The following MPDZ variants were observed in gnomAD, a reference collection of about 807,000 sequenced individuals.
The protein encoded by MPDZ is multiple PDZ domain protein.
Under a neutral mutation model 239.1 loss-of-function variants are expected in MPDZ, and 234 were observed. That is an observed-to-expected ratio of 0.98 (90% confidence interval 0.88 to 1.09). The LOEUF is 1.09. Ranked by LOEUF, MPDZ falls within the 50% of genes least tolerant of loss-of-function variation. The pLI is 0.00. For synonymous variants in MPDZ, 1,048 were observed against 881.3 expected, an observed-to-expected ratio of 1.19 and a Z score of -3.35; for missense variants, 3,175 against 2,510.0, an observed-to-expected ratio of 1.26 and a Z score of -5.66.
At chr9:13,171,849 G>T (rs892998414) in intron 21 of MPDZ, among the ~76,000 whole-genome samples, 3 of 152,016 alleles carry the variant, frequency 2.0e-5, no homozygotes, top group African/African-American at 7.2e-5. Context: ...GCAAACAACT[G>T]CATATAGCTG....
At chr9:13,212,692 G>A (rs1343888959) in intron 10 of MPDZ, among the ~76,000 whole-genome samples, 1 of 150,888 alleles carries the variant, frequency 6.6e-6, no homozygotes, top group African/African-American at 2.4e-5. Flanking sequence ...AGAGATCCAG[G>A]CCAGGTGCGG....
intron 3 of MPDZ, among the ~76,000 whole-genome samples, chr9:13,244,637 G>C (rs1215012335): frequency 6.6e-6 from 1 of 152,098 alleles, no homozygotes; most frequent in African/African-American, 2.4e-5. Flanking sequence ...TCAGGGCATG[G>C]CTTTTTTGCC....
At chr9:13,161,490 G>A (rs1430766379) in intron 23 of MPDZ, among the ~76,000 whole-genome samples, 1 of 152,046 alleles carries the variant, frequency 6.6e-6, no homozygotes, top group Non-Finnish European at 1.5e-5. Flanking sequence ...AGAATCACTT[G>A]AACCCGGGAG....
chr9:13,173,723 G>C (rs1433454110), intron 21 of MPDZ, among the ~76,000 whole-genome samples: 4 of 151,250 alleles, frequency 2.6e-5, no homozygotes, highest in African/African-American at 7.3e-5. Flanking sequence ...AAAAAAAATT[G>C]GTAAGCAATC....
chr9:13,216,376 T>G (rs1160628121), intron 10 of MPDZ, among the ~76,000 whole-genome samples: 10 of 150,290 alleles, frequency 6.7e-5, no homozygotes, highest in African/African-American at 2.4e-4. Flanking sequence ...AGTATCATTC[T>G]GCTGATTAAA....
rs1374232328 is a variant in MPDZ, at chr9:13,121,613, G to C, written c.5231+126C>G. ...CTTTTTATGGTTCCTTAGTGAGGGGGCTAACAACAGCTACCTACTGAACAC... is the reference window on the plus strand; with the variant it reads ...CTTTTTATGGTTCCTTAGTGAGGGGCCTAACAACAGCTACCTACTGAACAC... On this transcript the variant is annotated intron_variant, in intron 38 of 46. Coordinates refer to ENST00000319217, the MANE Select transcript of MPDZ (RefSeq NM_001378778.1). 3 of 918,814 alleles carry C rather than the reference G, an allele frequency of 3.3e-6. No individual in the cohort carries two copies. In the East Asian group the frequency reaches 7.6e-5, roughly 23 times the overall value. The allele number at this position is 918,814 out of a possible 1,614,324, so 56.9% of individuals were successfully genotyped here.
intron 19 of MPDZ, among the ~76,000 whole-genome samples, chr9:13,178,440 G>A (rs1252628652): frequency 6.6e-6 from 1 of 152,026 alleles, no homozygotes; most frequent in Non-Finnish European, 1.5e-5. Flanking sequence ...TCAAGGATAA[G>A]CCATTTGTAT....
In MPDZ at chr9:13,138,170, C is replaced by T; in HGVS notation, c.4004-17G>A. 6.5e-7 allele frequency: 1 copy of T among 1,540,968 alleles called. No individual in the cohort carries two copies. Among genetic ancestry groups the T allele is most frequent in the Non-Finnish European group, 8.7e-7 (1 of 1,144,254 alleles). On this transcript the variant is annotated splice_polypyrimidine_tract_variant and intron_variant, in intron 28 of 46. Coordinates refer to ENST00000319217, the MANE Select transcript of MPDZ (RefSeq NM_001378778.1). ...TGATATTTTCTACATACAACAACAA[C>T]AACAAATACATATTTACAGTTAATT...
chr9:13,115,118 C>T (rs1394842668), intron 40 of MPDZ, 130 bp downstream of exon 40: 3 of 688,880 alleles, frequency 4.4e-6, no homozygotes, highest in Non-Finnish European at 7.6e-6. Flanking sequence ...CTGTCTCAAA[C>T]TCTGCACCTC....
intron 10 of MPDZ, among the ~76,000 whole-genome samples, chr9:13,209,216 G>C (rs1037638232): frequency 1.3e-5 from 2 of 152,152 alleles, no homozygotes; most frequent in Non-Finnish European, 2.9e-5. Context: ...GCCATACTAA[G>C]CTGGGTTGCA....
chr9:13,228,176 G>T (rs1961229902), intron 3 of MPDZ, among the ~76,000 whole-genome samples: 1 of 152,078 alleles, frequency 6.6e-6, no homozygotes, highest in African/African-American at 2.4e-5. Flanking sequence ...TATGGAAGTT[G>T]TTAGTAAATG....
chr9:13,135,907 C>A, intron 31 of MPDZ, 185 bp downstream of exon 31: 1 of 480,394 alleles, frequency 2.1e-6, no homozygotes, highest in Non-Finnish European at 3.7e-6. Flanking sequence ...AAGTACTCTT[C>A]ACATAAGTGG....
chr9:13,227,738 G>A (rs1273235487), intron 3 of MPDZ, among the ~76,000 whole-genome samples: 1 of 152,076 alleles, frequency 6.6e-6, no homozygotes, highest in Non-Finnish European at 1.5e-5. Flanking sequence ...AATATCAATT[G>A]TCATTTCCTA....
At chr9:13,233,556 T>A (rs938916474) in intron 3 of MPDZ, among the ~76,000 whole-genome samples, 1 of 152,146 alleles carries the variant, frequency 6.6e-6, no homozygotes, top group Non-Finnish European at 1.5e-5. Context: ...TCATTTTCCA[T>A]ATCTTGATTT....
At chr9:13,139,906 T>C in intron 28 of MPDZ, 81 bp downstream of exon 28, 1 of 1,529,592 alleles carries the variant, frequency 6.5e-7, no homozygotes, top group Non-Finnish European at 9.0e-7. Flanking sequence ...CATACTTACT[T>C]ATCCAGGGCG....
chr9:13,258,524 T>C (rs1478361299), intron 1 of MPDZ, among the ~76,000 whole-genome samples: 1 of 152,234 alleles, frequency 6.6e-6, no homozygotes, highest in African/African-American at 2.4e-5. Context: ...TTGTAGTCAA[T>C]TGCAAGTAGT....
chr9:13,110,543 A>G (rs1942275829), intron 44 of MPDZ, 93 bp downstream of exon 44: 2 of 831,738 alleles, frequency 2.4e-6, no homozygotes, highest in South Asian at 1.5e-5. Flanking sequence ...AAATAATAGC[A>G]GAAGATTTAA....
At chr9:13,126,196 C>A (rs1945089120) in intron 34 of MPDZ, among the ~76,000 whole-genome samples, 1 of 152,122 alleles carries the variant, frequency 6.6e-6, no homozygotes, top group African/African-American at 2.4e-5. Context: ...ATATTTATAA[C>A]AGCAAACATT....
intron 8 of MPDZ, 123 bp downstream of exon 8, chr9:13,219,436 T>C (rs1405621638): frequency 2.4e-6 from 2 of 829,696 alleles, no homozygotes; most frequent in Admixed American, 2.8e-5. Context: ...TACATTTGAA[T>C]TTCATTCCAT....
Sources: allele counts gnomAD v4.1 joint callset (sites outside exome capture counted in the v4.1 genomes callset), GRCh38; gene constraint gnomAD v4.1.1; transcripts MANE v1.5; gene names NCBI Gene and HGNC (gene_info 2026-07-23, HGNC 2026-07-21).